Variants in PANK4 observed in about 807,000 individuals in gnomAD.
PANK4 encodes 4'-phosphopantetheine phosphatase.
PANK4 carries 40 observed loss-of-function variants against 87.9 expected under a neutral mutation model. That is an observed-to-expected ratio of 0.46 (90% confidence interval 0.35 to 0.59). PANK4 has a LOEUF of 0.59. Ranked by LOEUF, PANK4 falls within the 20% of genes least tolerant of loss-of-function variation. The pLI is 0.00. For missense variants in PANK4, 926 were observed against 1,072.3 expected (o/e 0.86, Z 1.90); for synonymous variants, 524 against 467.4 (o/e 1.12, Z -1.56).
chr1:2,522,814 C>CAGTGTG, intron 1 of PANK4, among the ~76,000 whole-genome samples: 1 of 151,688 alleles, frequency 6.6e-6, no homozygotes, highest in South Asian at 2.1e-4. Context: ...ACGGAGGGCA[C>CAGTGTG]TGGATGGTGC....
chr1:2,519,968 C>T lies in PANK4; in HGVS notation c.700-14G>A, dbSNP rs376475287. 12 of 1,539,052 alleles carry T rather than the reference C, an allele frequency of 7.8e-6. No homozygotes were observed. In the African/African-American group the frequency reaches 8.2e-5, roughly 10 times the overall value. On this transcript the variant is annotated splice_polypyrimidine_tract_variant and intron_variant, in intron 5 of 18. Transcript: ENST00000378466. The surrounding 1 kb of genome is among the most constrained non-coding windows in gnomAD (Gnocchi z 8.3). ...CTCGTCAAACTTCTGCAGGACACGG[C>T]GAGGGGGCGGGTGAGGCGCCAGGAG...
At chr1:2,522,071 C>A in intron 1 of PANK4, 1 of 515,264 alleles carries the variant, frequency 1.9e-6, no homozygotes, top group South Asian at 2.6e-5. Context: ...GGCACCAAGT[C>A]CTGCAGAGGA....
chr1:2,513,387 G>A (rs1027802020), intron 12 of PANK4, among the ~76,000 whole-genome samples: 21 of 152,236 alleles, frequency 1.4e-4, no homozygotes, highest in Admixed American at 1.3e-4. Context: ...TGTGAGGGGA[G>A]GGAGGCATGG....
Position 2,520,482 on chromosome 1 carries a change from CCCCATGT to C in PANK4, c.607-75_607-69del. 1 of 1,105,396 alleles carries C rather than the reference CCCCATGT, an allele frequency of 9.0e-7. No homozygotes were observed. Among genetic ancestry groups the C allele is most frequent in the Non-Finnish European group, 1.3e-6 (1 of 795,692 alleles). The allele number at this position is 1,105,396 out of a possible 1,614,324, so 68.5% of individuals were successfully genotyped here. A position where few individuals can be genotyped will look rare whatever the true frequency, so the allele number is the denominator to read the frequency against. On this transcript the variant is annotated intron_variant, in intron 4 of 18. Transcript: ENST00000378466. The surrounding 1 kb of genome is among the most constrained non-coding windows in gnomAD (Gnocchi z 6.2). ...GCCACACAGGCTCCCCCGCCCCCCG[CCCCATGT>C]GCTGCGCTGGGGTGAACCCCGCCCC...
At position 2,520,915 on chromosome 1, in the gene PANK4, G is replaced by A. The variant is rs1643869564; in HGVS notation, c.423-9C>T. 6.5e-7 allele frequency: 1 copy of A among 1,543,656 alleles called. No individual in the cohort carries two copies. The highest frequency in any genetic ancestry group is 8.7e-7 in the Non-Finnish European group (1 of 1,147,046). On this transcript the variant is annotated splice_polypyrimidine_tract_variant and intron_variant, in intron 3 of 18. Transcript: ENST00000378466. The surrounding 1 kb of genome is among the most constrained non-coding windows in gnomAD (Gnocchi z 6.2). ...CGTCCTCCTTGTCGACTCTGAAAAGGAAGCGCCAACCCCTTAAAGAGTCTG... is the reference window on the plus strand; with the variant it reads ...CGTCCTCCTTGTCGACTCTGAAAAGAAAGCGCCAACCCCTTAAAGAGTCTG...
At chr1:2,514,493 G>C in intron 10 of PANK4, 27 bp from the exon 11 acceptor site, 1 of 1,545,962 alleles carries the variant, frequency 6.5e-7, no homozygotes, top group Non-Finnish European at 8.9e-7. Flanking sequence ...GAGGGGGTTA[G>C]TCAAGCGCTG....
rs564163368 is a variant in PANK4 at position 2,514,517 on chromosome 1, C to T, written c.1375-51G>A. On this transcript the variant is annotated intron_variant, in intron 10 of 18. Coordinates refer to ENST00000378466, the MANE Select transcript of PANK4 (RefSeq NM_018216.4). The stretch of plus-strand genomic sequence containing the variant: ...AGTCAAGCGCTGGCCCTGCTGCTTG[C>T]GAATCCCCACGTGACAGCAGGGGGC... 69 of 1,325,814 alleles carry T rather than the reference C, an allele frequency of 5.2e-5. 1 individual carries two copies. Among genetic ancestry groups the T allele is most frequent in the South Asian group, 4.0e-4 (34 of 84,468 alleles). The allele number at this position is 1,325,814 out of a possible 1,614,324, so 82.1% of individuals were successfully genotyped here. A position where few individuals can be genotyped will look rare whatever the true frequency, so the allele number is the denominator to read the frequency against.
Position 2,510,225 on chromosome 1 carries a change from G to A in PANK4, c.1939-68C>T, listed in dbSNP as rs192333985. On this transcript the variant is annotated intron_variant, in intron 16 of 18. Coordinates refer to ENST00000378466, the MANE Select transcript of PANK4 (RefSeq NM_018216.4). This position sits in a 1 kb window ranked among gnomAD's most constrained non-coding sequence, Gnocchi z 4.9. ...CCAGCATGGAGCCTGCGTGCACCCCGGCCTTCGAGTGGCTGGGCTGGGTGA... is the reference window on the plus strand; with the variant it reads ...CCAGCATGGAGCCTGCGTGCACCCCAGCCTTCGAGTGGCTGGGCTGGGTGA... 6.9e-4 allele frequency: 721 copies of A among 1,037,710 alleles called. 2 individuals are homozygous for A. The highest frequency in any genetic ancestry group is 2.3e-3 in the South Asian group (169 of 73,942). 64.3% of individuals were successfully genotyped at this position (1,037,710 alleles called of 1,614,324 possible). A position where few individuals can be genotyped will look rare whatever the true frequency, so the allele number is the denominator to read the frequency against.
chr1:2,521,000 T>G lies in PANK4; in HGVS notation c.423-94A>C, dbSNP rs1033801135. Reference sequence around the variant, plus strand: ...GGTCCGAAGGGGCAGCCATGCCCCATGCGCAATCTGACACACGAGCGCCAG... The same window carrying G: ...GGTCCGAAGGGGCAGCCATGCCCCAGGCGCAATCTGACACACGAGCGCCAG... On this transcript the variant is annotated intron_variant, in intron 3 of 18. Transcript: ENST00000378466. The surrounding 1 kb of genome is among the most constrained non-coding windows in gnomAD (Gnocchi z 6.2). The G allele has an allele frequency of 6.5e-7, 1 of 1,528,372 alleles. No homozygotes were observed. Among genetic ancestry groups the G allele is most frequent in the African/African-American group, 1.4e-5 (1 of 72,664 alleles). 94.7% of individuals were successfully genotyped at this position (1,528,372 alleles called of 1,614,324 possible).
chr1:2,520,496 C>T lies in PANK4; in HGVS notation c.607-82G>A, dbSNP rs1288620891. ...CCCGCCCCCCGCCCCATGTGCTGCGCTGGGGTGAACCCCGCCCCCACCCCA... is the reference window on the plus strand; with the variant it reads ...CCCGCCCCCCGCCCCATGTGCTGCGTTGGGGTGAACCCCGCCCCCACCCCA... On this transcript the variant is annotated intron_variant, in intron 4 of 18. Coordinates refer to ENST00000378466, the MANE Select transcript of PANK4 (RefSeq NM_018216.4). The surrounding 1 kb of genome is among the most constrained non-coding windows in gnomAD (Gnocchi z 6.2). 7.0e-6 allele frequency: 6 copies of T among 852,396 alleles called. No homozygotes were observed. The African/African-American group carries it at 1.1e-4, about 16-fold the overall frequency. The allele number at this position is 852,396 out of a possible 1,614,324, so 52.8% of individuals were successfully genotyped here. A position where few individuals can be genotyped will look rare whatever the true frequency, so the allele number is the denominator to read the frequency against.
At chr1:2,513,719 C>T (rs949863131) in intron 12 of PANK4, among the ~76,000 whole-genome samples, 5 of 152,220 alleles carry the variant, frequency 3.3e-5, no homozygotes, top group African/African-American at 9.6e-5. Flanking sequence ...CTGTGTCTGT[C>T]AGGAACACAT....
rs1425056305 is a variant in PANK4, at chr1:2,509,119, T to C, written c.2109-59A>G. On this transcript the variant is annotated intron_variant, in intron 18 of 18. Transcript: ENST00000378466. The surrounding 1 kb of genome is among the most constrained non-coding windows in gnomAD (Gnocchi z 4.9). ...AGCAGACCCCAGACCCCACTTCCCA[T>C]ACAGTGCGGCGACCAACGTGAAGGC... 1.5e-6 allele frequency: 2 copies of C among 1,364,366 alleles called. No individual in the cohort carries two copies. Among genetic ancestry groups the C allele is most frequent in the African/African-American group, 1.4e-5 (1 of 70,338 alleles). The allele number at this position is 1,364,366 out of a possible 1,614,324, so 84.5% of individuals were successfully genotyped here.
chr1:2,515,227 T>C lies in PANK4; in HGVS notation c.1374+335A>G. Reference sequence around the variant, plus strand: ...TCTCACCCCACCCCCAGAGTCAGGGTCCCACAATGCCTCCCGCACCTCAGT... The same window carrying C: ...TCTCACCCCACCCCCAGAGTCAGGGCCCCACAATGCCTCCCGCACCTCAGT... On this transcript the variant is annotated intron_variant, in intron 10 of 18. Transcript: ENST00000378466. This position sits in a 1 kb window ranked among gnomAD's most constrained non-coding sequence, Gnocchi z 5.0. The C allele has an allele frequency of 2.1e-6, 1 of 486,086 alleles. No individual in the cohort carries two copies. Among genetic ancestry groups the C allele is most frequent in the South Asian group, 1.6e-5 (1 of 61,390 alleles). The allele number at this position is 486,086 out of a possible 1,614,324, so 30.1% of individuals were successfully genotyped here. A position where few individuals can be genotyped will look rare whatever the true frequency, so the allele number is the denominator to read the frequency against.
chr1:2,525,241 C>T (rs1401522350), intron 1 of PANK4, among the ~76,000 whole-genome samples: 2 of 152,186 alleles, frequency 1.3e-5, no homozygotes, highest in Non-Finnish European at 2.9e-5. Flanking sequence ...GCCTGGGTCT[C>T]TCTGAGTCCC....
chr1:2,510,264 AGCGG>A lies in PANK4; in HGVS notation c.1939-111_1939-108del. 1.3e-6 allele frequency: 1 copy of A among 765,350 alleles called. No individual in the cohort carries two copies. The highest frequency in any genetic ancestry group is 2.3e-6 in the Non-Finnish European group (1 of 439,560). 47.4% of individuals were successfully genotyped at this position (765,350 alleles called of 1,614,324 possible). On this transcript the variant is annotated intron_variant, in intron 16 of 18. Coordinates refer to ENST00000378466, the MANE Select transcript of PANK4 (RefSeq NM_018216.4). This position sits in a 1 kb window ranked among gnomAD's most constrained non-coding sequence, Gnocchi z 4.9. ...TGGGCTGGGTGAGGGTGCTGTGCCC[AGCGG>A]GCCTGGCCAGCCACCTGCTGCTGAG... is the stretch of plus-strand genomic sequence containing the variant.
chr1:2,519,818 G>T lies in PANK4; in HGVS notation c.836C>A (p.Ser279Ter). Residue 279 changes from serine to a stop codon, truncating the protein, a stop_gained, in exon 6 of 19, where the codon TCG (serine) becomes TAG (stop). Coordinates refer to ENST00000378466, the MANE Select transcript of PANK4 (RefSeq NM_018216.4). LOFTEE classifies it high-confidence loss of function. The surrounding 1 kb of genome is among the most constrained non-coding windows in gnomAD (Gnocchi z 8.3). ...GTGAGCACCTTGGTCGGCGGTGGCCGACTTCCCGAAGCTGCTGGCGATGAG... is the reference window on the plus strand; with the variant it reads ...GTGAGCACCTTGGTCGGCGGTGGCCTACTTCCCGAAGCTGCTGGCGATGAG... Reference protein sequence around the residue: ...GNLIASSFGKSATADQEFSKE... With the variant: ...GNLIASSFGK 2 of 1,579,922 alleles carry T rather than the reference G, an allele frequency of 1.3e-6. No homozygotes were observed. The highest frequency in any genetic ancestry group is 1.2e-5 in the South Asian group (1 of 86,940).
Position 2,519,364 on chromosome 1 carries a change from G to A in PANK4, c.854-40C>T. ...GAAAAGGCACTCATCTCCAAGTACA[G>A]CAAGTGCACGACATGAGAGCGAGCA... On this transcript the variant is annotated intron_variant, in intron 6 of 18. Coordinates refer to ENST00000378466, the MANE Select transcript of PANK4 (RefSeq NM_018216.4). The surrounding 1 kb of genome is among the most constrained non-coding windows in gnomAD (Gnocchi z 8.3). 7.2e-7 allele frequency: 1 copy of A among 1,397,746 alleles called. No individual in the cohort carries two copies. The highest frequency in any genetic ancestry group is 9.7e-7 in the Non-Finnish European group (1 of 1,026,444). 86.6% of individuals were successfully genotyped at this position (1,397,746 alleles called of 1,614,324 possible).
intron 1 of PANK4, chr1:2,525,530 G>A (rs1473477350): frequency 6.6e-6 from 1 of 152,244 alleles, no homozygotes; most frequent in Admixed American, 6.5e-5. Flanking sequence ...GAGTAGGAGA[G>A]CAGGGAGTGG....
At chr1:2,525,016 A>T (rs946123783) in intron 1 of PANK4, among the ~76,000 whole-genome samples, 1 of 152,196 alleles carries the variant, frequency 6.6e-6, no homozygotes, top group Non-Finnish European at 1.5e-5. Context: ...ACCTGGCACC[A>T]GGCCACACCC....
Sources: gnomAD v4.1 joint callset for allele counts (sites outside exome capture counted in the v4.1 genomes callset) on GRCh38, gnomAD v4.1.1 for gene constraint, Gnocchi (gnomAD v3.1) non-coding constraint, MANE v1.5 for transcripts, NCBI Gene and HGNC (gene_info 2026-07-23, HGNC 2026-07-21) for gene names.